STARD13: variants seen among roughly 807,000 people sequenced by gnomAD.
STARD13 encodes StAR related lipid transfer domain containing 13.
Under a neutral mutation model 106.4 loss-of-function variants are expected in STARD13, and 62 were observed. The observed-to-expected ratio is 0.58, with a 90% CI of 0.48 to 0.72. The LOEUF (loss-of-function observed/expected upper bound fraction) is 0.72. STARD13 is among the 30% of genes least tolerant of loss of function. The probability of loss-of-function intolerance (pLI) is 0.00; values close to 1 mark genes in which losing one functional copy is unlikely to be tolerated. For synonymous variants in STARD13, 565 were observed against 553.0 expected (o/e 1.02, Z -0.31); for missense variants, 1,387 against 1,424.0 (o/e 0.97, Z 0.42).
At chr13:33,456,228 T>G in the STARD13 span, among the ~76,000 whole-genome samples, 4 of 152,190 alleles carry the variant, frequency 2.6e-5, no homozygotes, top group Non-Finnish European at 5.9e-5. Context: ...CTCACTCTGT[T>G]GTCCAGGCTG....
chr13:33,565,801 T>C, the STARD13 span, among the ~76,000 whole-genome samples: 1 of 148,696 alleles, frequency 6.7e-6, no homozygotes, highest in African/African-American at 2.5e-5. Context: ...GGCTATTCTC[T>C]TCCTACTCTA....
downstream of STARD13, among the ~76,000 whole-genome samples, chr13:33,346,283 TA>T (rs1451046431): frequency 6.6e-6 from 1 of 152,180 alleles, no homozygotes; most frequent in African/African-American, 2.4e-5. Context: ...TCTTATGAGA[TA>T]CCCTAAGACA....
At chr13:33,413,784 C>A in the STARD13 span, among the ~76,000 whole-genome samples, 1 of 152,086 alleles carries the variant, frequency 6.6e-6, no homozygotes, top group South Asian at 2.1e-4. Flanking sequence ...GTAATCCCAG[C>A]ACTTTGGGAG....
At chr13:33,316,604 C>G (rs538560138) in intron 1 of STARD13, among the ~76,000 whole-genome samples, 1 of 152,304 alleles carries the variant, frequency 6.6e-6, no homozygotes, top group Admixed American at 6.5e-5. Context: ...TGCTGTCACA[C>G]AGCAAGTAGG....
chr13:33,266,230 AT>A (rs1309040623), intron 1 of STARD13, among the ~76,000 whole-genome samples: 8 of 152,318 alleles, frequency 5.3e-5, no homozygotes, highest in African/African-American at 1.9e-4. Context: ...TCGTTTCTTA[AT>A]CTTTAAAATG....
the STARD13 span, among the ~76,000 whole-genome samples, chr13:33,521,235 G>C: frequency 6.6e-6 from 1 of 152,100 alleles, no homozygotes; most frequent in South Asian, 2.1e-4. Flanking sequence ...GTAATTTATG[G>C]CTGAAATAGG....
the STARD13 span, among the ~76,000 whole-genome samples, chr13:33,597,008 G>C: frequency 7.2e-5 from 11 of 152,284 alleles, no homozygotes; most frequent in African/African-American, 2.4e-4. Context: ...AGGGGTTCAG[G>C]TATCTGTTGA....
At chr13:33,421,015 C>T in the STARD13 span, among the ~76,000 whole-genome samples, 2 of 152,034 alleles carry the variant, frequency 1.3e-5, no homozygotes, top group African/African-American at 2.4e-5. Context: ...GAACTAAAAT[C>T]GACATGCTAA....
chr13:33,676,224 C>G, the STARD13 span, among the ~76,000 whole-genome samples: 3 of 152,120 alleles, frequency 2.0e-5, no homozygotes, highest in East Asian at 5.8e-4. Context: ...CATGCCTAAG[C>G]AAGCAGGAAG....
chr13:33,511,769 C>T, the STARD13 span, among the ~76,000 whole-genome samples: 44,024 of 151,962 alleles, frequency 0.29, 7,156 homozygotes, highest in Middle Eastern at 0.37. Context: ...AAGTTCCGTA[C>T]CATGGTTATC....
intron 1 of STARD13, among the ~76,000 whole-genome samples, chr13:33,252,642 G>A (rs1890148071): frequency 6.6e-6 from 1 of 152,246 alleles, no homozygotes; most frequent in Non-Finnish European, 1.5e-5. Flanking sequence ...GCAGGTATGT[G>A]TTTCACTTGA....
chr13:33,353,399 G>T (rs1594299698), upstream of STARD13, among the ~76,000 whole-genome samples: 1 of 152,170 alleles, frequency 6.6e-6, no homozygotes, highest in East Asian at 1.9e-4. Flanking sequence ...GGACACTGTA[G>T]CCCATTTCCT....
chr13:33,565,251 T>C, the STARD13 span, among the ~76,000 whole-genome samples: 1 of 146,510 alleles, frequency 6.8e-6, no homozygotes, highest in Non-Finnish European at 1.5e-5. Context: ...GAAATGAAGA[T>C]TGATTGATTA....
At chr13:33,416,623 C>A in the STARD13 span, among the ~76,000 whole-genome samples, 2 of 152,122 alleles carry the variant, frequency 1.3e-5, no homozygotes, top group Non-Finnish European at 2.9e-5. Context: ...TCAAGTGATG[C>A]TGGAACTAGA....
chr13:33,560,683 C>T, the STARD13 span, among the ~76,000 whole-genome samples: 1 of 151,456 alleles, frequency 6.6e-6, no homozygotes, highest in African/African-American at 2.5e-5. Context: ...CACAAGCTAT[C>T]CACCATTTTT....
At chr13:33,412,116 T>C in the STARD13 span, among the ~76,000 whole-genome samples, 8 of 152,216 alleles carry the variant, frequency 5.3e-5, no homozygotes, top group African/African-American at 1.4e-4. Context: ...TGCCACTGTC[T>C]GATGTGGTTC....
At chr13:33,668,595 C>A in the STARD13 span, among the ~76,000 whole-genome samples, 1 of 152,118 alleles carries the variant, frequency 6.6e-6, no homozygotes, top group Admixed American at 6.6e-5. Context: ...AGTCTCTATG[C>A]CCAAGGTAGT....
At chr13:33,323,685 C>G (rs548815253) in intron 1 of STARD13, among the ~76,000 whole-genome samples, 3 of 152,244 alleles carry the variant, frequency 2.0e-5, no homozygotes, top group Non-Finnish European at 4.4e-5. Context: ...ACTTGATTCT[C>G]TGGCCTTCAA....
the STARD13 span, among the ~76,000 whole-genome samples, chr13:33,514,382 T>C: frequency 6.6e-6 from 1 of 152,040 alleles, no homozygotes; most frequent in African/African-American, 2.4e-5. Flanking sequence ...AAATAACTCA[T>C]CGAAAGGAAG....
Sources: gnomAD v4.1 joint callset for allele counts (sites outside exome capture counted in the v4.1 genomes callset) on GRCh38, gnomAD v4.1.1 for gene constraint, MANE v1.5 for transcripts, NCBI Gene and HGNC (gene_info 2026-07-23, HGNC 2026-07-21) for gene names.